The following IQCM variants were observed in gnomAD, a reference collection of about 807,000 sequenced individuals.
IQCM encodes the protein IQ domain-containing protein M.
In IQCM, 45 loss-of-function variants were observed where a neutral mutation model predicts 57.6. The ratio of observed to expected loss-of-function variants is 0.78; its 90% CI spans 0.62 to 1.00. The LOEUF is 1.00. IQCM is among the 50% of genes least tolerant of loss of function. The probability of loss-of-function intolerance (pLI) is 0.00; values close to 1 mark genes in which losing one functional copy is unlikely to be tolerated. For missense variants in IQCM, 468 were observed against 511.6 expected (o/e 0.91, Z 0.82); for synonymous variants, 148 against 158.9 (o/e 0.93, Z 0.51).
At chr4:149,551,464 A>G (rs1344413760) in intron 11 of IQCM, among the ~76,000 whole-genome samples, 1 of 152,238 alleles carries the variant, frequency 6.6e-6, no homozygotes, top group Admixed American at 6.5e-5. Context: ...TAAAGCTACG[A>G]AAAATAAGCA....
chr4:149,473,398 A>T (rs1253017067), intron 12 of IQCM, among the ~76,000 whole-genome samples: 1 of 152,248 alleles, frequency 6.6e-6, no homozygotes, highest in Non-Finnish European at 1.5e-5. Context: ...TGGCCATCAG[A>T]GAAATGCATA....
chr4:149,359,614 C>T lies in IQCM; in HGVS notation c.1391-7548G>A, dbSNP rs574242507. ...AATAATAGATAATATGCTGAATACACGATTTACAGGCTGGATTTTCAGAAA... is the reference window on the plus strand; with the variant it reads ...AATAATAGATAATATGCTGAATACATGATTTACAGGCTGGATTTTCAGAAA... On this transcript the variant is annotated intron_variant, in intron 13 of 13. Coordinates refer to ENST00000636793, the MANE Select transcript of IQCM (RefSeq NM_001363507.2). Among the ~76,000 whole-genome samples the T allele has an allele frequency of 1.1e-3, 171 of 152,148 alleles. 1 individual carries two copies. Among genetic ancestry groups the T allele is most frequent in the Non-Finnish European group, 1.6e-3 (110 of 67,972 alleles).
At chr4:149,473,310 A>T (rs1739792965) in intron 12 of IQCM, among the ~76,000 whole-genome samples, 1 of 152,216 alleles carries the variant, frequency 6.6e-6, no homozygotes, top group Admixed American at 6.5e-5. Context: ...AAAAAGTGGG[A>T]GAAGGATATG....
chr4:149,780,892 A>C (rs1313663068), intron 2 of IQCM, among the ~76,000 whole-genome samples: 1 of 152,162 alleles, frequency 6.6e-6, no homozygotes, highest in Non-Finnish European at 1.5e-5. Context: ...TGCACTGTTC[A>C]CTTCCCATGT....
At position 149,451,957 on chromosome 4, in the gene IQCM, A is replaced by C. The variant is rs74869141; in HGVS notation, c.1229-18400T>G. Reference sequence around the variant, plus strand: ...TTACTCACAGACTACATGTTTGTCTATGTATAAATCCTATAAAATCTACAA... The same window carrying C: ...TTACTCACAGACTACATGTTTGTCTCTGTATAAATCCTATAAAATCTACAA... On this transcript the variant is annotated intron_variant, in intron 12 of 13. Transcript: ENST00000636793. 3.2e-3 allele frequency among the ~76,000 whole-genome samples: 488 copies of C among 151,900 alleles called. 6 individuals are homozygous for C. The East Asian group carries it at 0.036, about 11-fold the overall frequency.
chr4:149,646,130 T>C (rs1399232379), intron 7 of IQCM, among the ~76,000 whole-genome samples: 1 of 152,306 alleles, frequency 6.6e-6, no homozygotes, highest in South Asian at 2.1e-4. Flanking sequence ...CCCTAGGTAC[T>C]CTCTGTCAGC....
intron 12 of IQCM, among the ~76,000 whole-genome samples, chr4:149,449,226 AAAAC>A (rs1220907505): frequency 8.6e-5 from 12 of 139,260 alleles, no homozygotes; most frequent in Non-Finnish European, 1.6e-4. Context: ...AGTATCTATC[AAAAC>A]AAACAAACAA....
At chr4:149,471,863 A>G (rs1259649524) in intron 12 of IQCM, among the ~76,000 whole-genome samples, 1 of 152,204 alleles carries the variant, frequency 6.6e-6, no homozygotes, top group Admixed American at 6.5e-5. Flanking sequence ...AGAACCAAAG[A>G]CAAAAACCAC....
At chr4:149,679,336 A>G (rs138966468) in intron 7 of IQCM, among the ~76,000 whole-genome samples, 124 of 151,758 alleles carry the variant, frequency 8.2e-4, no homozygotes, top group African/African-American at 2.8e-3. Context: ...GTTAATCTCA[A>G]AGACAAAGAG....
intron 2 of IQCM, among the ~76,000 whole-genome samples, chr4:149,783,564 G>A (rs1224965412): frequency 1.3e-5 from 2 of 152,158 alleles, no homozygotes; most frequent in African/African-American, 4.8e-5. Flanking sequence ...ACCCTCTGTA[G>A]TGGAAAGACT....
At chr4:149,641,540 C>CT (rs1188611998) in intron 7 of IQCM, among the ~76,000 whole-genome samples, 1 of 152,022 alleles carries the variant, frequency 6.6e-6, no homozygotes, top group Non-Finnish European at 1.5e-5. Context: ...TGTGTTTTCT[C>CT]TTTTTGTAAA....
At chr4:149,469,289 G>A (rs1739234722) in intron 12 of IQCM, among the ~76,000 whole-genome samples, 2 of 152,134 alleles carry the variant, frequency 1.3e-5, no homozygotes, top group Admixed American at 6.5e-5. Flanking sequence ...ATAACCTGAT[G>A]GAGCTGAAAA....
intron 12 of IQCM, among the ~76,000 whole-genome samples, chr4:149,516,078 A>T (rs1210607133): frequency 2.0e-5 from 3 of 152,148 alleles, no homozygotes; most frequent in African/African-American, 7.2e-5. Flanking sequence ...AGCAACACAG[A>T]CTTCTGCTCA....
chr4:149,673,679 C>A (rs1435746345), intron 7 of IQCM, among the ~76,000 whole-genome samples: 1 of 152,100 alleles, frequency 6.6e-6, no homozygotes, highest in Non-Finnish European at 1.5e-5. Context: ...TAATGGGAGA[C>A]TTTAACGCCC....
intron 12 of IQCM, among the ~76,000 whole-genome samples, chr4:149,454,310 C>A (rs755609829): frequency 1.3e-5 from 2 of 151,532 alleles, no homozygotes; most frequent in Non-Finnish European, 2.9e-5. Flanking sequence ...AGATCATGTC[C>A]TTTGCAGCAA....
intron 13 of IQCM, among the ~76,000 whole-genome samples, chr4:149,407,646 T>C (rs1003000821): frequency 5.9e-5 from 9 of 152,182 alleles, no homozygotes; most frequent in African/African-American, 2.2e-4. Flanking sequence ...AAAGACATGA[T>C]GATTTCATTC....
At chr4:149,641,879 T>A (rs1292491012) in intron 7 of IQCM, among the ~76,000 whole-genome samples, 5 of 152,234 alleles carry the variant, frequency 3.3e-5, no homozygotes, top group South Asian at 4.1e-4. Flanking sequence ...ATTAATCTGT[T>A]TGGGAAATTG....
At chr4:149,449,000 A>G (rs1736798720) in intron 12 of IQCM, among the ~76,000 whole-genome samples, 1 of 151,782 alleles carries the variant, frequency 6.6e-6, no homozygotes, top group Non-Finnish European at 1.5e-5. Context: ...CAATATAAAA[A>G]CAAGGCAAAT....
At chr4:149,470,857 C>T (rs576498316) in intron 12 of IQCM, among the ~76,000 whole-genome samples, 5 of 152,266 alleles carry the variant, frequency 3.3e-5, no homozygotes, top group African/African-American at 1.2e-4. Flanking sequence ...ACAACTTACT[C>T]CTGAATGACT....
Sources: gnomAD v4.1 joint callset for allele counts (sites outside exome capture counted in the v4.1 genomes callset) on GRCh38, gnomAD v4.1.1 for gene constraint, MANE v1.5 for transcripts, NCBI Gene and HGNC (gene_info 2026-07-23, HGNC 2026-07-21) for gene names.